RIN3: variants seen among roughly 807,000 people sequenced by gnomAD.
RIN3 encodes Ras and Rab interactor 3.
Under a neutral mutation model 76.3 loss-of-function variants are expected in RIN3, and 54 were observed. That is an observed-to-expected ratio of 0.71 (90% CI 0.57 to 0.89). The LOEUF (loss-of-function observed/expected upper bound fraction) is 0.89, where lower values mean the gene tolerates loss of function less well. Ranked by LOEUF, RIN3 falls within the 40% of genes least tolerant of loss-of-function variation. RIN3 has a pLI of 0.00. For missense variants in RIN3, 1,256 were observed against 1,322.1 expected (o/e 0.95, Z 0.78); for synonymous variants, 576 against 564.0 (o/e 1.02, Z -0.30).
Position 92,688,119 on chromosome 14 carries a change from G to A in RIN3, c.2825G>A (p.Cys942Tyr). Residue 942 changes from cysteine to tyrosine, a missense_variant, in exon 10 of 10, where the codon TGC becomes TAC. By Grantham distance (194) the Cys-to-Tyr change is radical. Around this residue, in one of 3 missense-constraint regions of RIN3, gnomAD observed 218 missense variants for 174.5 expected, o/e 1.25. Transcript: ENST00000216487. Reference sequence around the variant, plus strand: ...CTGGCGGACGACGCGCTGCCGCACTGCATCAAGGGCTACCTGCTGCGCAGC... The same window carrying A: ...CTGGCGGACGACGCGCTGCCGCACTACATCAAGGGCTACCTGCTGCGCAGC... Reference protein sequence around the residue: ...FQLADDALPHCIKGYLLRSEP... With the variant: ...FQLADDALPHYIKGYLLRSEP... 6.2e-7 allele frequency: 1 copy of A among 1,609,428 alleles called. No individual in the cohort carries two copies.
chr14:92,669,209 G>T (rs1167707102), intron 7 of RIN3, among the ~76,000 whole-genome samples: 1 of 152,192 alleles, frequency 6.6e-6, no homozygotes, highest in Non-Finnish European at 1.5e-5. Flanking sequence ...TAAGGTACCT[G>T]CCCGAGTAAA....
At chr14:92,540,408 T>C (rs1429171054) in intron 1 of RIN3, among the ~76,000 whole-genome samples, 2 of 152,172 alleles carry the variant, frequency 1.3e-5, no homozygotes, top group African/African-American at 2.4e-5. Context: ...TCTCACAAGA[T>C]TTTCCAGACA....
At chr14:92,627,434 G>T (rs942985511) in intron 4 of RIN3, among the ~76,000 whole-genome samples, 4 of 152,202 alleles carry the variant, frequency 2.6e-5, no homozygotes, top group Non-Finnish European at 4.4e-5. Context: ...CAGAACCACA[G>T]ACAGGACCCA....
chr14:92,649,038 A>C (rs1357860096), intron 5 of RIN3, among the ~76,000 whole-genome samples: 4 of 152,190 alleles, frequency 2.6e-5, no homozygotes, highest in Non-Finnish European at 5.9e-5. Flanking sequence ...GCCAGAGAAG[A>C]TGTGCAGGGG....
At chr14:92,676,829 C>G (rs924214382) in intron 8 of RIN3, among the ~76,000 whole-genome samples, 3 of 152,124 alleles carry the variant, frequency 2.0e-5, no homozygotes, top group African/African-American at 7.2e-5. Context: ...CTCCACGTAA[C>G]AAGTGCTGGA....
chr14:92,594,027 A>G (rs920943771), intron 3 of RIN3, among the ~76,000 whole-genome samples: 5 of 152,168 alleles, frequency 3.3e-5, no homozygotes, highest in African/African-American at 1.2e-4. Context: ...ACATCTATAG[A>G]CTATTTTATC....
chr14:92,535,374 C>A (rs1358982710), intron 1 of RIN3, among the ~76,000 whole-genome samples: 1 of 149,294 alleles, frequency 6.7e-6, no homozygotes, highest in Non-Finnish European at 1.5e-5. Flanking sequence ...CGCTCTGTCG[C>A]CCAGACTGGA....
chr14:92,516,753 C>G (rs1357157683), intron 1 of RIN3, among the ~76,000 whole-genome samples: 1 of 152,128 alleles, frequency 6.6e-6, no homozygotes, highest in Non-Finnish European at 1.5e-5. Context: ...CTCCCCTACC[C>G]CCTTGGTGCC....
chr14:92,516,144 G>T (rs543812028), intron 1 of RIN3, among the ~76,000 whole-genome samples: 1 of 152,294 alleles, frequency 6.6e-6, no homozygotes, highest in African/African-American at 2.4e-5. Flanking sequence ...CTATATTAAA[G>T]GTCTGCTTAA....
intron 7 of RIN3, among the ~76,000 whole-genome samples, chr14:92,676,228 G>T (rs2140169333): frequency 6.6e-6 from 1 of 152,104 alleles, no homozygotes; most frequent in Admixed American, 6.5e-5. Context: ...AGGGGTCAGG[G>T]TCTTGCTCCA....
At chr14:92,577,238 G>T in intron 2 of RIN3, 122 bp from the exon 3 acceptor site, 1 of 645,920 alleles carries the variant, frequency 1.5e-6, no homozygotes. Flanking sequence ...AGGCATCCTT[G>T]ATCTCCCTAG....
Position 92,554,653 on chromosome 14 carries a change from G to T in RIN3, c.45-1098G>T, listed in dbSNP as rs141112065. Among the ~76,000 whole-genome samples the T allele has an allele frequency of 6.6e-5, 10 of 152,342 alleles. No individual in the cohort carries two copies. In the East Asian group the frequency reaches 1.9e-3, roughly 29 times the overall value. ...AAATATTATCTTGCTGGGCACGATGGTTCACACCTGTAATCCCAGTACTTC... is the reference window on the plus strand; with the variant it reads ...AAATATTATCTTGCTGGGCACGATGTTTCACACCTGTAATCCCAGTACTTC... On this transcript the variant is annotated intron_variant, in intron 1 of 9. Coordinates refer to ENST00000216487, the MANE Select transcript of RIN3 (RefSeq NM_024832.5).
chr14:92,585,650 G>T (rs1186170206), intron 3 of RIN3, among the ~76,000 whole-genome samples: 7 of 152,108 alleles, frequency 4.6e-5, no homozygotes, highest in Admixed American at 4.6e-4. Context: ...TTTGTTGTTT[G>T]TTTTCACGGT....
At chr14:92,560,986 ACT>A (rs1345223629) in intron 2 of RIN3, among the ~76,000 whole-genome samples, 1 of 132,752 alleles carries the variant, frequency 7.5e-6, no homozygotes, top group East Asian at 2.2e-4. Flanking sequence ...GCACCACTGC[ACT>A]CCAGCCTGGG....
intron 1 of RIN3, among the ~76,000 whole-genome samples, chr14:92,522,970 A>G (rs1224254541): frequency 2.6e-5 from 4 of 152,176 alleles, no homozygotes; most frequent in Non-Finnish European, 5.9e-5. Flanking sequence ...GGACTCTGAG[A>G]CAAACTTAAG....
intron 3 of RIN3, among the ~76,000 whole-genome samples, chr14:92,612,230 G>A (rs1885767871): frequency 6.6e-6 from 1 of 152,192 alleles, no homozygotes. Flanking sequence ...AACAACCTCG[G>A]CACATGCTCA....
intron 4 of RIN3, among the ~76,000 whole-genome samples, chr14:92,633,553 G>A (rs191626230): frequency 7.6e-4 from 116 of 152,292 alleles, no homozygotes; most frequent in African/African-American, 2.7e-3. Context: ...CCGGCTGGTG[G>A]CCTGAGACAA....
intron 3 of RIN3, among the ~76,000 whole-genome samples, chr14:92,581,571 G>A (rs996566513): frequency 1.3e-5 from 2 of 152,062 alleles, no homozygotes; most frequent in African/African-American, 2.4e-5. Flanking sequence ...CTGTCTGAAC[G>A]TTCTGCCCAC....
At chr14:92,576,183 T>TA in intron 2 of RIN3, 1 of 1,226,422 alleles carries the variant, frequency 8.2e-7, no homozygotes, top group Admixed American at 2.6e-5. Flanking sequence ...CCAGAAGGTG[T>TA]CACCTGCCAA....
Sources: allele counts gnomAD v4.1 joint callset (sites outside exome capture counted in the v4.1 genomes callset), GRCh38; gene constraint gnomAD v4.1.1; regional missense constraint gnomAD v4.1.1; transcripts MANE v1.5; gene names NCBI Gene and HGNC (gene_info 2026-07-23, HGNC 2026-07-21).